The following SNTG1 variants were observed in gnomAD, a reference collection of about 807,000 sequenced individuals.
SNTG1 encodes the protein gamma-1-syntrophin.
Under a neutral mutation model 74.7 loss-of-function variants are expected in SNTG1, and 39 were observed. The ratio of observed to expected loss-of-function variants is 0.52; its 90% CI spans 0.40 to 0.68. SNTG1 has a LOEUF of 0.68. Among genes scored for constraint, SNTG1 ranks in the 30% least tolerant of loss-of-function variants. The pLI is 0.00. For synonymous variants in SNTG1, 254 were observed against 217.1 expected (o/e 1.17, Z -1.49); for missense variants, 685 against 609.5 (o/e 1.12, Z -1.30).
chr8:50,704,690 G>A lies in SNTG1; in HGVS notation c.1129G>A (p.Asp377Asn), dbSNP rs772461147. 2.5e-6 allele frequency: 4 copies of A among 1,614,048 alleles called. No homozygotes were observed. The African/African-American group carries it at 4.0e-5, about 16-fold the overall frequency. ...DLYFSVELES[D>N]LAQWERAFQT... ...GTACTTCTCAGTGGAGCTGGAAAGT[G>A]ACCTCGCCCAGTGGGAAAGAGCCTT... Residue 377 changes from aspartate to asparagine, a missense_variant, in exon 16 of 19, where the codon GAC (aspartate) becomes AAC (asparagine). Physicochemically the swap from Asp to Asn is conservative, Grantham distance 23 (BLOSUM62 1). Transcript: ENST00000642720.
intron 1 of SNTG1, among the ~76,000 whole-genome samples, chr8:50,021,109 C>T (rs2130672488): frequency 6.6e-6 from 1 of 152,242 alleles, no homozygotes; most frequent in African/African-American, 2.4e-5. Context: ...CCACAAAAGC[C>T]TGAGTACTCC....
chr8:50,627,343 G>C (rs141676872), intron 13 of SNTG1, among the ~76,000 whole-genome samples: 106 of 152,288 alleles, frequency 7.0e-4, no homozygotes, highest in South Asian at 2.9e-3. Flanking sequence ...ATGGATTAAA[G>C]CTGCTATAAA....
At chr8:50,229,341 A>C (rs2085497037) in intron 2 of SNTG1, among the ~76,000 whole-genome samples, 1 of 151,718 alleles carries the variant, frequency 6.6e-6, no homozygotes, top group Non-Finnish European at 1.5e-5. Flanking sequence ...GTATGCTGAT[A>C]CACTATCAGA....
At chr8:49,934,677 G>C (rs950488075) in intron 1 of SNTG1, among the ~76,000 whole-genome samples, 1 of 152,086 alleles carries the variant, frequency 6.6e-6, no homozygotes, top group African/African-American at 2.4e-5. Context: ...TGATTATGTC[G>C]ACAAGTCCTA....
chr8:50,780,959 G>A (rs28810230), intron 18 of SNTG1, among the ~76,000 whole-genome samples: 17 of 151,900 alleles, frequency 1.1e-4, no homozygotes, highest in South Asian at 4.1e-4. Flanking sequence ...ATTTCATTAC[G>A]TACCGAGTAG....
intron 8 of SNTG1, among the ~76,000 whole-genome samples, chr8:50,461,491 C>A (rs994753022): frequency 6.6e-6 from 1 of 152,110 alleles, no homozygotes; most frequent in Admixed American, 6.6e-5. Flanking sequence ...ATTTAGAATT[C>A]TGTTAACATA....
rs567278755 is a variant in SNTG1, at chr8:50,511,850, G to A, written c.466+8970G>A. Among the ~76,000 whole-genome samples the A allele has an allele frequency of 1.8e-3, 278 of 152,218 alleles. 2 individuals carry two copies. Among genetic ancestry groups the A allele is most frequent in the African/African-American group, 6.2e-3 (256 of 41,544 alleles). On this transcript the variant is annotated intron_variant, in intron 9 of 18. Coordinates refer to ENST00000642720, the MANE Select transcript of SNTG1 (RefSeq NM_018967.5). ...GGTTTCCTGAATACAGCACACTGATGGGTCTTGACTCTTTATCCAATTTGC... is the reference window on the plus strand; with the variant it reads ...GGTTTCCTGAATACAGCACACTGATAGGTCTTGACTCTTTATCCAATTTGC...
chr8:50,116,443 A>G (rs1382280514), intron 1 of SNTG1, among the ~76,000 whole-genome samples: 2 of 152,018 alleles, frequency 1.3e-5, no homozygotes, highest in African/African-American at 4.8e-5. Context: ...CCACCCTTTG[A>G]TTTACGTTGC....
intron 15 of SNTG1, among the ~76,000 whole-genome samples, chr8:50,697,297 A>G (rs1044826911): frequency 2.6e-5 from 4 of 152,088 alleles, no homozygotes; most frequent in African/African-American, 9.7e-5. Context: ...AACTTTATTG[A>G]ATTTATTCAT....
chr8:50,707,421 G>A (rs1202773052), intron 16 of SNTG1, among the ~76,000 whole-genome samples: 1 of 151,952 alleles, frequency 6.6e-6, no homozygotes, highest in Non-Finnish European at 1.5e-5. Flanking sequence ...TCCTGAAAAT[G>A]GACTTTTGAG....
Position 50,309,988 on chromosome 8 carries a change from G to A in SNTG1, c.-27-84224G>A, listed in dbSNP as rs549732678. Among the ~76,000 whole-genome samples the A allele has an allele frequency of 5.3e-5, 8 of 152,280 alleles. No individual in the cohort carries two copies. In the South Asian group the frequency reaches 6.2e-4, roughly 12 times the overall value. On this transcript the variant is annotated intron_variant, in intron 2 of 18. Transcript: ENST00000642720. ...GTAAAAAAATTCAGTGTCTATGTGC[G>A]TAAAAATAGTCAAACAGCCCATTTT...
chr8:50,225,590 G>C (rs186251214), intron 2 of SNTG1, among the ~76,000 whole-genome samples: 14 of 152,240 alleles, frequency 9.2e-5, no homozygotes, highest in African/African-American at 2.9e-4. Context: ...TTGGGCACAT[G>C]TTCACAGGAT....
intron 1 of SNTG1, among the ~76,000 whole-genome samples, chr8:49,981,644 T>C (rs1304113294): frequency 6.6e-6 from 1 of 152,222 alleles, no homozygotes; most frequent in Non-Finnish European, 1.5e-5. Flanking sequence ...CATCTTGTTA[T>C]AATAAATGAA....
intron 13 of SNTG1, among the ~76,000 whole-genome samples, chr8:50,627,335 G>T (rs1483364095): frequency 3.3e-5 from 5 of 152,134 alleles, no homozygotes; most frequent in African/African-American, 1.2e-4. Flanking sequence ...CATCATGAAT[G>T]GATTAAAGCT....
chr8:50,658,564 T>A (rs775525274), intron 14 of SNTG1, 28 bp from the exon 15 acceptor site: 1 of 1,508,256 alleles, frequency 6.6e-7, no homozygotes, highest in South Asian at 1.2e-5. Context: ...CTAAAACAAA[T>A]TAAACATTAT....
intron 13 of SNTG1, among the ~76,000 whole-genome samples, chr8:50,625,368 C>A (rs868546498): frequency 6.6e-6 from 1 of 152,250 alleles, no homozygotes; most frequent in East Asian, 1.9e-4. Context: ...ATTTAATGAA[C>A]GTTGTGAAGG....
intron 2 of SNTG1, among the ~76,000 whole-genome samples, chr8:50,358,391 T>G (rs555497083): frequency 5.3e-4 from 80 of 152,330 alleles, no homozygotes; most frequent in Non-Finnish European, 1.8e-4. Context: ...GAGTTCCATG[T>G]GTCCTCAGGA....
chr8:49,956,737 G>C (rs1585652973), intron 1 of SNTG1, among the ~76,000 whole-genome samples: 1 of 151,298 alleles, frequency 6.6e-6, no homozygotes, highest in South Asian at 2.1e-4. Context: ...GACATATCCT[G>C]GACCCACTGA....
intron 17 of SNTG1, among the ~76,000 whole-genome samples, chr8:50,730,094 A>G (rs963345496): frequency 6.9e-4 from 105 of 152,334 alleles, no homozygotes; most frequent in African/African-American, 2.0e-3. Flanking sequence ...AGACTGGAAG[A>G]AAAAAATTTC....
Sources: allele counts gnomAD v4.1 joint callset (sites outside exome capture counted in the v4.1 genomes callset), GRCh38; gene constraint gnomAD v4.1.1; transcripts MANE v1.5; gene names NCBI Gene and HGNC (gene_info 2026-07-23, HGNC 2026-07-21).